Variants in ZNF644 observed in about 807,000 individuals in gnomAD.
ZNF644 encodes the protein zinc finger motif enhancer binding protein 2.
ZNF644 carries 20 observed loss-of-function variants against 108.0 expected under a neutral mutation model. The observed-to-expected ratio is 0.19, with a 90% CI of 0.13 to 0.27. The LOEUF (loss-of-function observed/expected upper bound fraction) is 0.27. ZNF644 is among the 10% of genes least tolerant of loss of function. ZNF644 has a pLI of 1.00. For missense variants in ZNF644, 1,338 were observed against 1,548.9 expected, an observed-to-expected ratio of 0.86 and a Z score of 2.29; for synonymous variants, 542 against 539.1, an observed-to-expected ratio of 1.01 and a Z score of -0.08.
intron 2 of ZNF644, among the ~76,000 whole-genome samples, chr1:90,963,524 A>G (rs61799215): frequency 2.0e-4 from 31 of 152,268 alleles, no homozygotes; most frequent in Non-Finnish European, 3.4e-4. Context: ...ACCAAGAAAC[A>G]TGTACAAGAA....
At chr1:91,013,504 T>C (rs971166883) in intron 1 of ZNF644, among the ~76,000 whole-genome samples, 9 of 150,108 alleles carry the variant, frequency 6.0e-5, no homozygotes, top group Middle Eastern at 3.2e-3. Context: ...CACACACATA[T>C]ACACACCCAA....
At chr1:91,007,220 A>ATTTTTTTTTTTTTTTTTTTT (rs1557658483) in intron 1 of ZNF644, among the ~76,000 whole-genome samples, 1 of 30,314 alleles carries the variant, frequency 3.3e-5, no homozygotes, top group Non-Finnish European at 6.5e-5. Flanking sequence ...ATTTTCTCCC[A>ATTTTTTTTTTTTTTTTTTTT]TTTTGTTTTT....
chr1:90,988,734 T>G (rs1048340489), intron 1 of ZNF644, among the ~76,000 whole-genome samples: 1 of 152,148 alleles, frequency 6.6e-6, no homozygotes, highest in African/African-American at 2.4e-5. Flanking sequence ...AATAAACCCA[T>G]GCATTTCTAG....
At chr1:90,993,330 T>C (rs1034877656) in intron 1 of ZNF644, among the ~76,000 whole-genome samples, 8 of 151,496 alleles carry the variant, frequency 5.3e-5, no homozygotes, top group African/African-American at 1.9e-4. Context: ...AGATCAACCT[T>C]ATGGCCAGTC....
intron 1 of ZNF644, among the ~76,000 whole-genome samples, chr1:90,999,800 G>A (rs916306722): frequency 3.9e-5 from 6 of 152,066 alleles, no homozygotes; most frequent in East Asian, 1.9e-4. Context: ...CCCATCTCAC[G>A]TGCACAGACA....
chr1:90,918,044 G>A lies in ZNF644; in HGVS notation c.3791+8C>T, dbSNP rs1010182798. The stretch of plus-strand genomic sequence containing the variant: ...AAACTGATCAGATTTGGCAATATAG[G>A]CATATACCTGCATCGGAGAATGTAA... On this transcript the variant is annotated splice_region_variant and intron_variant, in intron 5 of 5. Coordinates refer to ENST00000337393, the MANE Select transcript of ZNF644 (RefSeq NM_201269.3). The A allele has an allele frequency of 6.2e-7, 1 of 1,606,616 alleles. No homozygotes were observed. Among genetic ancestry groups the A allele is most frequent in the Non-Finnish European group, 8.5e-7 (1 of 1,173,308 alleles).
intron 1 of ZNF644, among the ~76,000 whole-genome samples, chr1:90,998,449 C>T (rs1453671511): frequency 1.3e-5 from 2 of 152,230 alleles, no homozygotes; most frequent in Non-Finnish European, 2.9e-5. Flanking sequence ...TGGAGTGGAC[C>T]TCCAGCAAAC....
chr1:90,963,465 C>T (rs971225712), intron 2 of ZNF644, among the ~76,000 whole-genome samples: 1 of 152,042 alleles, frequency 6.6e-6, no homozygotes, highest in Non-Finnish European at 1.5e-5. Context: ...AAACCAATGA[C>T]CCAGATTCTA....
rs1207167516 is a variant in ZNF644, at chr1:90,940,938, G to A, written c.416C>T (p.Thr139Ile). Residue 139 changes from threonine (T) to isoleucine (I), a missense_variant, in exon 3 of 6, where the codon ACC (threonine) becomes ATC (isoleucine). Coordinates refer to ENST00000337393, the MANE Select transcript of ZNF644 (RefSeq NM_201269.3). ...SNMNKGSVSL[T>I]TGQPVDQPTT... The stretch of plus-strand genomic sequence containing the variant: ...TGGCTGATCCACAGGCTGTCCAGTG[G>A]TTAATGAAACACTGCCTTTATTCAT... 1 of 1,613,966 alleles carries A rather than the reference G, an allele frequency of 6.2e-7. No individual in the cohort carries two copies. Among genetic ancestry groups the A allele is most frequent in the East Asian group, 2.2e-5 (1 of 44,894 alleles).
intron 2 of ZNF644, among the ~76,000 whole-genome samples, chr1:90,957,681 GGT>G (rs1653887270): frequency 6.6e-6 from 1 of 152,026 alleles, no homozygotes; most frequent in South Asian, 2.1e-4. Context: ...CATACTCAAT[GGT>G]GAGAGACAAG....
intron 4 of ZNF644, among the ~76,000 whole-genome samples, chr1:90,922,767 C>A (rs900957413): frequency 4.6e-5 from 7 of 151,954 alleles, no homozygotes; most frequent in African/African-American, 1.7e-4. Context: ...AGGCCCCAGT[C>A]TGTTGCTCCC....
intron 4 of ZNF644, among the ~76,000 whole-genome samples, chr1:90,929,850 AT>A (rs1650518748): frequency 1.3e-5 from 2 of 152,356 alleles, no homozygotes; most frequent in East Asian, 3.9e-4. Context: ...GGTATGAAAA[AT>A]AAAACACTGA....
At chr1:90,954,763 C>T (rs1653572547) in intron 2 of ZNF644, among the ~76,000 whole-genome samples, 1 of 152,170 alleles carries the variant, frequency 6.6e-6, no homozygotes, top group Non-Finnish European at 1.5e-5. Context: ...TCTACAGTTA[C>T]TTGCTCCACT....
intron 1 of ZNF644, among the ~76,000 whole-genome samples, chr1:91,002,064 G>A (rs1318987638): frequency 6.6e-6 from 1 of 152,142 alleles, no homozygotes; most frequent in African/African-American, 2.4e-5. Flanking sequence ...CCATGCTCAT[G>A]GATAGGAAGA....
rs77298407 is a variant in ZNF644 at position 90,992,397 on chromosome 1, C to CAA, written c.-17-10029_-17-10028dup. 1.2e-4 allele frequency among the ~76,000 whole-genome samples: 17 copies of CAA among 137,216 alleles called. 1 individual carries two copies. The highest frequency in any genetic ancestry group is 4.0e-4 in the African/African-American group (15 of 37,406). The allele number at this position is 137,216 out of a possible 152,430, so 90.0% of individuals were successfully genotyped here. On this transcript the variant is annotated intron_variant, in intron 1 of 5. Transcript: ENST00000337393. ...ACACCCAAAAAAAATCATTTATAAC[C>CAA]AAAAAAAAAAAAAGATATAAATGAA...
chr1:90,949,843 T>C (rs950407854), intron 2 of ZNF644, among the ~76,000 whole-genome samples: 5 of 152,214 alleles, frequency 3.3e-5, no homozygotes, highest in African/African-American at 4.8e-5. Context: ...GGGTTGAATG[T>C]ATGTTACTGA....
chr1:90,959,735 C>T (rs541943871), intron 2 of ZNF644, among the ~76,000 whole-genome samples: 34 of 152,174 alleles, frequency 2.2e-4, no homozygotes, highest in South Asian at 4.1e-4. Flanking sequence ...AAAGTGATTA[C>T]GTAATGAATA....
At chr1:90,959,516 A>G (rs1654107746) in intron 2 of ZNF644, among the ~76,000 whole-genome samples, 1 of 152,236 alleles carries the variant, frequency 6.6e-6, no homozygotes, top group Non-Finnish European at 1.5e-5. Flanking sequence ...TTAAGGAATA[A>G]TATGTAAATT....
At chr1:91,018,221 A>G (rs1660595966) in intron 1 of ZNF644, among the ~76,000 whole-genome samples, 1 of 152,202 alleles carries the variant, frequency 6.6e-6, no homozygotes, top group Admixed American at 6.5e-5. Context: ...TAGTGCTAGC[A>G]TCAGTTCCAT....
Sources: gnomAD v4.1 joint callset for allele counts (sites outside exome capture counted in the v4.1 genomes callset) on GRCh38, gnomAD v4.1.1 for gene constraint, MANE v1.5 for transcripts, NCBI Gene and HGNC (gene_info 2026-07-23, HGNC 2026-07-21) for gene names.